Variants in CD163L1 observed in about 807,000 individuals in gnomAD.
CD163L1 encodes the protein scavenger receptor cysteine-rich type 1 protein M160.
A neutral mutation model predicts 165.4 loss-of-function variants in CD163L1; 124 were observed. The observed-to-expected ratio is 0.75, with a 90% CI of 0.65 to 0.87. The LOEUF is 0.87. Ranked by LOEUF, CD163L1 falls within the 40% of genes least tolerant of loss-of-function variation. CD163L1 has a pLI of 0.00. For synonymous variants in CD163L1, 585 were observed against 662.2 expected (o/e 0.88, Z 1.79); for missense variants, 1,525 against 1,799.9 (o/e 0.85, Z 2.76).
chr12:7,328,322 T>C, the CD163L1 span: 1 of 1,594,962 alleles, frequency 6.3e-7, no homozygotes, highest in East Asian at 2.3e-5. Context: ...AGACAATCAC[T>C]GGGAAAATCA....
intron 2 of CD163L1, among the ~76,000 whole-genome samples, chr12:7,438,578 AT>A (rs1231950076): frequency 1.3e-5 from 2 of 152,170 alleles, no homozygotes; most frequent in Non-Finnish European, 2.9e-5. Context: ...TTAGCCTATA[AT>A]TTTCTAGTCA....
the CD163L1 span, among the ~76,000 whole-genome samples, chr12:7,325,290 A>G: frequency 6.6e-6 from 1 of 152,256 alleles, no homozygotes; most frequent in African/African-American, 2.4e-5. Flanking sequence ...AAAGCCACAG[A>G]TTTCACTGAA....
rs765046131 is a variant in CD163L1 at position 7,438,272 on chromosome 12, CATAT to C, written c.124+2878_124+2881del. Among the ~76,000 whole-genome samples, 610 of 152,062 alleles carry C rather than the reference CATAT, an allele frequency of 4.0e-3. 6 individuals are homozygous for C. Among genetic ancestry groups the C allele is most frequent in the African/African-American group, 0.014 (571 of 41,454 alleles). Reference sequence around the variant, plus strand: ...TTTTTATAGCCCTTGATAAATATTGCATATATAAATACTCTCATAATTTGGAAAA... The same window carrying C: ...TTTTTATAGCCCTTGATAAATATTGCATAAATACTCTCATAATTTGGAAAA... On this transcript the variant is annotated intron_variant, in intron 2 of 19. Transcript: ENST00000313599.
Position 7,433,407 on chromosome 12 carries a change from A to G in CD163L1, c.412T>C (p.Tyr138His), listed in dbSNP as rs1289843535. ...QHREWGSHNC[Y>H]HGEDVGVNCY... The stretch of plus-strand genomic sequence containing the variant: ...TTCACACCAACATCTTCTCCATGAT[A>G]ACAGTTATGGCTTCCCCATTCCCGG... The change falls in exon 3 of 20, where the codon TAT (tyrosine) becomes CAT (histidine). Residue 138 changes from tyrosine to histidine, a missense_variant. Transcript: ENST00000313599. 1 of 1,605,224 alleles carries G rather than the reference A, an allele frequency of 6.2e-7. No homozygotes were observed. Among genetic ancestry groups the G allele is most frequent in the Non-Finnish European group, 8.5e-7 (1 of 1,175,438 alleles).
chr12:7,442,302 A>G (rs943366747), intron 1 of CD163L1, among the ~76,000 whole-genome samples: 2 of 152,194 alleles, frequency 1.3e-5, no homozygotes, highest in African/African-American at 4.8e-5. Flanking sequence ...AAAAACCCTA[A>G]GAGGACAGAA....
intron 8 of CD163L1, among the ~76,000 whole-genome samples, chr12:7,394,330 C>T (rs1947727522): frequency 6.6e-6 from 1 of 152,028 alleles, no homozygotes; most frequent in Admixed American, 6.6e-5. Context: ...CTGACAAAAA[C>T]AAGAAATGGG....
chr12:7,394,954 G>A (rs182294687), intron 8 of CD163L1, among the ~76,000 whole-genome samples: 2 of 152,260 alleles, frequency 1.3e-5, no homozygotes, highest in East Asian at 3.9e-4. Context: ...GTGGATGCTG[G>A]AGAGGATGTG....
chr12:7,368,990 G>GAT lies in CD163L1; in HGVS notation c.4040-26_4040-25insAT. 1.3e-6 allele frequency: 2 copies of GAT among 1,599,680 alleles called. No homozygotes were observed. The highest frequency in any genetic ancestry group is 1.7e-6 in the Non-Finnish European group (2 of 1,170,000). ...CCTGAGAGAGAGAGAGAGAGAGAGA[G>GAT]ACGTAAATGAACGAAAAGGAACTGG... On this transcript the variant is annotated intron_variant, in intron 15 of 19. Transcript: ENST00000313599. This position sits in a 1 kb window ranked among gnomAD's most constrained non-coding sequence, Gnocchi z 4.3.
chr12:7,346,745 C>T (rs1461088383), exon 5 of CD163L1: 1 of 151,992 alleles, frequency 6.6e-6, no homozygotes, highest in African/African-American at 2.4e-5. Flanking sequence ...GTTTTAAAAC[C>T]CCCAGGAAAC....
chr12:7,382,818 G>A (rs955739294), intron 8 of CD163L1, among the ~76,000 whole-genome samples: 2 of 152,172 alleles, frequency 1.3e-5, no homozygotes, highest in Non-Finnish European at 2.9e-5. Context: ...ATCTCTACAT[G>A]TCTAGAGCCC....
chr12:7,407,465 T>C (rs980752076), intron 4 of CD163L1, among the ~76,000 whole-genome samples: 3 of 152,036 alleles, frequency 2.0e-5, no homozygotes, highest in Non-Finnish European at 4.4e-5. Flanking sequence ...ATTATGGGCT[T>C]GTTATATTAT....
chr12:7,335,315 C>G, the CD163L1 span, among the ~76,000 whole-genome samples: 1 of 152,096 alleles, frequency 6.6e-6, no homozygotes, highest in South Asian at 2.1e-4. Context: ...TGGAACAGAA[C>G]AGAGACCTCA....
intron 2 of CD163L1, chr12:7,439,761 G>A: frequency 6.2e-7 from 1 of 1,613,048 alleles, no homozygotes; most frequent in South Asian, 1.1e-5. Context: ...AGCGAACTTT[G>A]TAAAGAATTT....
chr12:7,340,629 T>C, the CD163L1 span, among the ~76,000 whole-genome samples: 2 of 151,974 alleles, frequency 1.3e-5, no homozygotes, highest in South Asian at 2.1e-4. Context: ...TTAGAACCCA[T>C]AGGCAGAGGA....
At chr12:7,325,993 T>A in the CD163L1 span, among the ~76,000 whole-genome samples, 1 of 152,324 alleles carries the variant, frequency 6.6e-6, no homozygotes, top group Non-Finnish European at 1.5e-5. Flanking sequence ...CACCATGTTC[T>A]TATTCTCTCA....
At chr12:7,434,944 A>G (rs984846192) in intron 2 of CD163L1, among the ~76,000 whole-genome samples, 4 of 152,122 alleles carry the variant, frequency 2.6e-5, no homozygotes, top group African/African-American at 9.7e-5. Context: ...TCTCTTTCTC[A>G]GTTCCTAGTG....
At chr12:7,365,726 G>C (rs904377384) in intron 18 of CD163L1, among the ~76,000 whole-genome samples, 2 of 152,000 alleles carry the variant, frequency 1.3e-5, no homozygotes, top group African/African-American at 4.8e-5. Flanking sequence ...TCATACCTCA[G>C]GCAGAATGGC....
intron 8 of CD163L1, among the ~76,000 whole-genome samples, chr12:7,391,948 G>C (rs1286983058): frequency 6.6e-6 from 1 of 152,020 alleles, no homozygotes; most frequent in Non-Finnish European, 1.5e-5. Flanking sequence ...CCTACAAAGA[G>C]ACTTACACTC....
At chr12:7,325,758 T>A in the CD163L1 span, among the ~76,000 whole-genome samples, 1 of 152,198 alleles carries the variant, frequency 6.6e-6, no homozygotes, top group African/African-American at 2.4e-5. Flanking sequence ...ATAGCCTTAA[T>A]TCTAGGAGGA....
Sources: allele counts gnomAD v4.1 joint callset (sites outside exome capture counted in the v4.1 genomes callset), GRCh38; gene constraint gnomAD v4.1.1; non-coding constraint Gnocchi (gnomAD v3.1); transcripts MANE v1.5; gene names NCBI Gene and HGNC (gene_info 2026-07-23, HGNC 2026-07-21).